Variants in RAP1A observed in about 807,000 individuals in gnomAD.
The protein encoded by RAP1A is ras-related protein Rap-1A.
A neutral mutation model predicts 26.4 loss-of-function variants in RAP1A; 6 were observed. The ratio of observed to expected loss-of-function variants is 0.23; its 90% confidence interval spans 0.12 to 0.45. RAP1A has a LOEUF of 0.45. RAP1A is among the 20% of genes least tolerant of loss of function. RAP1A has a pLI of 0.99. For missense variants in RAP1A, 121 were observed against 217.2 expected, an observed-to-expected ratio of 0.56 and a Z score of 2.78; for synonymous variants, 73 against 79.4, an observed-to-expected ratio of 0.92 and a Z score of 0.43.
chr1:111,650,950 C>T (rs956983305), intron 1 of RAP1A, among the ~76,000 whole-genome samples: 1 of 151,964 alleles, frequency 6.6e-6, no homozygotes, highest in Non-Finnish European at 1.5e-5. Context: ...TACAGGCACC[C>T]GCCACCACGC....
intron 2 of RAP1A, among the ~76,000 whole-genome samples, chr1:111,694,239 T>G (rs975110690): frequency 6.6e-6 from 1 of 152,170 alleles, no homozygotes; most frequent in Non-Finnish European, 1.5e-5. Context: ...ATGAGGTGAT[T>G]AAATCCTTGA....
chr1:111,556,269 G>T (rs1247245064), intron 1 of RAP1A, among the ~76,000 whole-genome samples: 1 of 152,150 alleles, frequency 6.6e-6, no homozygotes, highest in Non-Finnish European at 1.5e-5. Context: ...CACTCACACA[G>T]ATAACAAGTA....
At chr1:111,575,750 T>G (rs1349066891) in intron 1 of RAP1A, among the ~76,000 whole-genome samples, 1 of 152,158 alleles carries the variant, frequency 6.6e-6, no homozygotes, top group Non-Finnish European at 1.5e-5. Flanking sequence ...GACACCTTCA[T>G]CTTGGAATTC....
chr1:111,694,211 A>G (rs1472900752), intron 2 of RAP1A, among the ~76,000 whole-genome samples: 2 of 152,158 alleles, frequency 1.3e-5, no homozygotes, highest in Non-Finnish European at 2.9e-5. Flanking sequence ...TATTTAAATT[A>G]TGTGTCGTAC....
At chr1:111,704,184 G>A (rs1311782035) in intron 5 of RAP1A, among the ~76,000 whole-genome samples, 159 bp from the exon 6 acceptor site, 4 of 135,802 alleles carry the variant, frequency 2.9e-5, no homozygotes, top group Non-Finnish European at 6.2e-5. Flanking sequence ...TTCTTCCTTC[G>A]CCTCTTCCCC....
Position 111,690,074 on chromosome 1 carries a change from GCTT to G in RAP1A, c.-27-1256_-27-1254del, listed in dbSNP as rs370467415. On this transcript the variant is annotated intron_variant, in intron 1 of 7. Transcript: ENST00000369709. ...TTGAGTGGTGGAATTTTTTTTTTCT[GCTT>G]CTTTTAAAGAATTTTGGACTTTGTT... is the stretch of plus-strand genomic sequence containing the variant. Among the ~76,000 whole-genome samples the G allele has an allele frequency of 3.3e-3, 496 of 151,326 alleles. 3 individuals carry two copies. The highest frequency in any genetic ancestry group is 0.014 in the Middle Eastern group (4 of 294).
intron 1 of RAP1A, chr1:111,608,208 C>G: frequency 6.0e-6 from 1 of 165,660 alleles, no homozygotes; most frequent in Middle Eastern, 2.6e-3. Flanking sequence ...AGAGACGCTC[C>G]TCACCTCCCA....
intron 1 of RAP1A, among the ~76,000 whole-genome samples, chr1:111,689,999 C>G (rs891205052): frequency 6.6e-5 from 10 of 152,148 alleles, no homozygotes; most frequent in African/African-American, 1.9e-4. Context: ...TCTTTCTTCA[C>G]ATTTCTATTA....
rs550945707 is a variant in RAP1A at position 111,670,723 on chromosome 1, T to G, written c.-27-20611T>G. 2.6e-5 allele frequency among the ~76,000 whole-genome samples: 4 copies of G among 151,992 alleles called. No individual in the cohort carries two copies. In the South Asian group the frequency reaches 8.3e-4, roughly 32 times the overall value. On this transcript the variant is annotated intron_variant, in intron 1 of 7. Transcript: ENST00000369709. ...AAAGAGGAAGGGCACAGATAAACAATCCGAATGAAAAAGGAGATATAACTA... is the reference window on the plus strand; with the variant it reads ...AAAGAGGAAGGGCACAGATAAACAAGCCGAATGAAAAAGGAGATATAACTA...
intron 1 of RAP1A, among the ~76,000 whole-genome samples, chr1:111,635,629 A>G (rs1202131957): frequency 1.3e-5 from 2 of 152,090 alleles, no homozygotes; most frequent in African/African-American, 4.8e-5. Context: ...CAGTGGCTGC[A>G]ATCTCTGCTC....
In RAP1A at chr1:111,699,697, A is replaced by T. The variant is rs534433965; in HGVS notation, c.183+2200A>T. On this transcript the variant is annotated intron_variant, in intron 4 of 7. Coordinates refer to ENST00000369709, the MANE Select transcript of RAP1A (RefSeq NM_002884.4). ...ATTGTCCAAGCTGGTCTTGAACTGG[A>T]CTCAAGGGATCCTCCTGTCTTTGGC... Among the ~76,000 whole-genome samples, 48 of 151,010 alleles carry T rather than the reference A, an allele frequency of 3.2e-4. No homozygotes were observed. In the South Asian group the frequency reaches 8.6e-3, roughly 27 times the overall value.
chr1:111,595,260 A>C (rs1271700431), intron 1 of RAP1A, among the ~76,000 whole-genome samples: 1 of 152,200 alleles, frequency 6.6e-6, no homozygotes, highest in African/African-American at 2.4e-5. Flanking sequence ...CAATATCTGG[A>C]CCAGCAACCT....
At chr1:111,711,060 G>A (rs1337732444) in intron 7 of RAP1A, among the ~76,000 whole-genome samples, 1 of 152,148 alleles carries the variant, frequency 6.6e-6, no homozygotes, top group African/African-American at 2.4e-5. Flanking sequence ...TCAAACTCCT[G>A]ACCTCAGGTG....
chr1:111,656,627 T>G (rs1660469011), intron 1 of RAP1A, among the ~76,000 whole-genome samples: 1 of 152,192 alleles, frequency 6.6e-6, no homozygotes, highest in Non-Finnish European at 1.5e-5. Flanking sequence ...AGTCGCATCT[T>G]AATTTACATG....
chr1:111,581,431 T>TA (rs1658256801), intron 1 of RAP1A, among the ~76,000 whole-genome samples: 1 of 152,062 alleles, frequency 6.6e-6, no homozygotes, highest in Non-Finnish European at 1.5e-5. Context: ...CTAGACAGAG[T>TA]CCAGGGAGGC....
At chr1:111,586,444 A>G (rs1658365744) in intron 1 of RAP1A, among the ~76,000 whole-genome samples, 1 of 152,176 alleles carries the variant, frequency 6.6e-6, no homozygotes, top group Admixed American at 6.5e-5. Context: ...CTGGCCATGC[A>G]TGGTGGCATG....
intron 1 of RAP1A, among the ~76,000 whole-genome samples, chr1:111,576,672 T>C (rs1315739291): frequency 1.3e-5 from 2 of 152,214 alleles, no homozygotes; most frequent in Non-Finnish European, 2.9e-5. Context: ...GGTGTGCTTA[T>C]GGCACTGTTT....
intron 1 of RAP1A, among the ~76,000 whole-genome samples, chr1:111,569,992 T>C (rs1215268461): frequency 6.6e-6 from 1 of 152,184 alleles, no homozygotes; most frequent in Non-Finnish European, 1.5e-5. Context: ...GTGTAAAACG[T>C]CAGGGAGGAA....
At chr1:111,706,220 T>C (rs2101299616) in intron 6 of RAP1A, among the ~76,000 whole-genome samples, 1 of 152,304 alleles carries the variant, frequency 6.6e-6, no homozygotes, top group South Asian at 2.1e-4. Flanking sequence ...GTGGGGAGAA[T>C]GGAGCAGATA....
Sources: allele counts gnomAD v4.1 joint callset (sites outside exome capture counted in the v4.1 genomes callset), GRCh38; gene constraint gnomAD v4.1.1; transcripts MANE v1.5; gene names NCBI Gene and HGNC (gene_info 2026-07-23, HGNC 2026-07-21).